Variants in DOCK10 observed in about 807,000 individuals in gnomAD.
The protein encoded by DOCK10 is dedicator of cytokinesis 10.
A neutral mutation model predicts 280.1 loss-of-function variants in DOCK10; 145 were observed. The observed-to-expected ratio is 0.52, with a 90% CI of 0.45 to 0.59. DOCK10 has a LOEUF of 0.59. Among genes scored for constraint, DOCK10 ranks in the 20% least tolerant of loss-of-function variants. DOCK10 has a pLI of 0.00. For missense variants in DOCK10, 2,368 were observed against 2,651.7 expected, an observed-to-expected ratio of 0.89 and a Z score of 2.35; for synonymous variants, 915 against 942.2, an observed-to-expected ratio of 0.97 and a Z score of 0.53.
At chr2:224,927,527 G>C (rs1439877146) in intron 2 of DOCK10, among the ~76,000 whole-genome samples, 2 of 152,138 alleles carry the variant, frequency 1.3e-5, no homozygotes, top group Admixed American at 6.5e-5. Flanking sequence ...ACAGCAGAGT[G>C]AATAGAGAAA....
In DOCK10 at chr2:224,765,251, T is replaced by C. The variant is rs913802742; in HGVS notation, c.*470A>G. 1.3e-5 allele frequency: 2 copies of C among 153,002 alleles called. No individual in the cohort carries two copies. The highest frequency in any genetic ancestry group is 2.9e-5 in the Non-Finnish European group (2 of 68,292). The allele number at this position is 153,002 out of a possible 1,614,324, so 9.5% of individuals were successfully genotyped here. A position where few individuals can be genotyped will look rare whatever the true frequency, so the allele number is the denominator to read the frequency against. On this transcript the variant is annotated 3_prime_UTR_variant, in exon 56 of 56. Coordinates refer to ENST00000258390, the MANE Select transcript of DOCK10 (RefSeq NM_014689.3). The stretch of plus-strand genomic sequence containing the variant: ...TTGTACACATACACAAATATTTTAA[T>C]ATAATGGTATCTGAAATGTTATTCA...
In DOCK10 at chr2:224,808,043, G is replaced by A; in HGVS notation, c.3453C>T (p.His1151=). 1 of 1,612,718 alleles carries A rather than the reference G, an allele frequency of 6.2e-7. No individual in the cohort carries two copies. Among genetic ancestry groups the A allele is most frequent in the East Asian group, 2.2e-5 (1 of 44,864 alleles). ...CTCGGAGCAGAATTCCGATTAAGAA[G>A]TGTTTGCGACAAAATTCATTTGTGA... The part of the protein sequence containing the change: ...YSVTNEFCRK[H]FLIGILLREV... Residue 1151 remains histidine, a synonymous_variant, in exon 32 of 56, where the codon CAC becomes CAT. Coordinates refer to ENST00000258390, the MANE Select transcript of DOCK10 (RefSeq NM_014689.3).
chr2:224,974,131 A>G (rs944663883), intron 1 of DOCK10, among the ~76,000 whole-genome samples: 7 of 152,312 alleles, frequency 4.6e-5, no homozygotes, highest in African/African-American at 1.7e-4. Flanking sequence ...TGTGTCTGCC[A>G]CCAAACTGTA....
intron 1 of DOCK10, among the ~76,000 whole-genome samples, chr2:225,008,632 T>A (rs1689344091): frequency 6.6e-6 from 1 of 152,140 alleles, no homozygotes; most frequent in African/African-American, 2.4e-5. Flanking sequence ...TACTGTTATG[T>A]ACCAAAGACC....
intron 4 of DOCK10, among the ~76,000 whole-genome samples, chr2:224,891,610 T>C (rs1699660818): frequency 6.6e-6 from 1 of 152,132 alleles, no homozygotes; most frequent in South Asian, 2.1e-4. Context: ...CAAAAATAAC[T>C]CAGAAGATAT....
intron 1 of DOCK10, among the ~76,000 whole-genome samples, chr2:225,006,807 C>T (rs1689276524): frequency 6.6e-6 from 1 of 152,150 alleles, no homozygotes. Flanking sequence ...AAGTCAATGA[C>T]CTGTGCATAC....
intron 1 of DOCK10, among the ~76,000 whole-genome samples, chr2:225,028,568 T>C (rs1689985008): frequency 6.6e-6 from 1 of 152,204 alleles, no homozygotes. Flanking sequence ...GCTAAGTTTA[T>C]ATAGTCTGTT....
Position 224,874,744 on chromosome 2 carries a change from C to A in DOCK10, c.939G>T (p.Leu313=). Residue 313 remains leucine, a synonymous_variant, in exon 9 of 56, where the codon CTG becomes CTT. Coordinates refer to ENST00000258390, the MANE Select transcript of DOCK10 (RefSeq NM_014689.3). ...TGCATTCACAAGTTACAGAATTATC[C>A]AGCGAATCTTAAAAAGATATACCAA... ...TELTDLGLDS[L]DNSVTCECTP... 1 of 1,613,562 alleles carries A rather than the reference C, an allele frequency of 6.2e-7. No homozygotes were observed. The highest frequency in any genetic ancestry group is 8.5e-7 in the Non-Finnish European group (1 of 1,179,580).
chr2:224,765,398 T>G lies in DOCK10; in HGVS notation c.*323A>C, dbSNP rs1690032175. The G allele has an allele frequency of 1.0e-5, 2 of 191,170 alleles. No homozygotes were observed. The highest frequency in any genetic ancestry group is 2.6e-4 in the East Asian group (2 of 7,758). 11.8% of individuals were successfully genotyped at this position (191,170 alleles called of 1,614,324 possible). On this transcript the variant is annotated 3_prime_UTR_variant, in exon 56 of 56. Transcript: ENST00000258390. ...GCTTAAATGTTACAAAAACATTCAC[T>G]TTAACCTTTAAAATATGTGTACTAG...
intron 1 of DOCK10, among the ~76,000 whole-genome samples, chr2:224,991,285 C>T (rs557026287): frequency 3.0e-4 from 45 of 152,256 alleles, no homozygotes; most frequent in Non-Finnish European, 5.0e-4. Flanking sequence ...ATTGAAGAGA[C>T]CCACCTGTGT....
intron 11 of DOCK10, among the ~76,000 whole-genome samples, chr2:224,866,847 C>T (rs770866893): frequency 3.3e-5 from 5 of 152,052 alleles, no homozygotes; most frequent in African/African-American, 7.2e-5. Flanking sequence ...TTCAAGGTAA[C>T]TTCTGGGTAT....
rs74937541 is a variant in DOCK10, at chr2:224,888,319, G to A, written c.417-1788C>T. ...AGGACGTTTCCATATATGTGTGTGC[G>A]TGTGCGTGTGTATACATGTGTGAAT... On this transcript the variant is annotated intron_variant, in intron 4 of 55. Coordinates refer to ENST00000258390, the MANE Select transcript of DOCK10 (RefSeq NM_014689.3). 7.8e-3 allele frequency among the ~76,000 whole-genome samples: 1,180 copies of A among 151,518 alleles called. 18 individuals carry two copies. The highest frequency in any genetic ancestry group is 0.024 in the African/African-American group (1,001 of 41,270).
At position 224,797,164 on chromosome 2, in the gene DOCK10, C is replaced by CGG. The variant is rs1559426326; in HGVS notation, c.4645-20_4645-19dup. The CGG allele has an allele frequency of 1.3e-6, 2 of 1,586,088 alleles. No individual in the cohort carries two copies. Among genetic ancestry groups the CGG allele is most frequent in the Admixed American group, 3.6e-5 (2 of 56,282 alleles). On this transcript the variant is annotated intron_variant, in intron 42 of 55. Transcript: ENST00000258390. ...GAAGGAAACTGCAGAAATGGAAGAACGGGTGAAGGGAGCAACATGCCTTCA... is the reference window on the plus strand; with the variant it reads ...GAAGGAAACTGCAGAAATGGAAGAACGGGGGTGAAGGGAGCAACATGCCTTCA...
intron 1 of DOCK10, among the ~76,000 whole-genome samples, chr2:225,016,417 C>G (rs1396524888): frequency 6.6e-6 from 1 of 151,372 alleles, no homozygotes; most frequent in Non-Finnish European, 1.5e-5. Flanking sequence ...AGTAAGAAGG[C>G]AAGTATCTTA....
chr2:224,883,164 A>G (rs1699070854), intron 7 of DOCK10, among the ~76,000 whole-genome samples: 1 of 152,244 alleles, frequency 6.6e-6, no homozygotes, highest in Non-Finnish European at 1.5e-5. Flanking sequence ...GAAAGAGTTC[A>G]TCATTGTTTC....
rs138256444 is a variant in DOCK10, at chr2:224,803,671, T to A, written c.4268+441A>T. On this transcript the variant is annotated intron_variant, in intron 39 of 55. Coordinates refer to ENST00000258390, the MANE Select transcript of DOCK10 (RefSeq NM_014689.3). The stretch of plus-strand genomic sequence containing the variant: ...TTGCCTTTGACCCTTTAAAAAACAA[T>A]TTCAGCTTCAAGAACATTGCAAAAA... Among the ~76,000 whole-genome samples the A allele has an allele frequency of 2.3e-3, 343 of 152,184 alleles. 4 individuals are homozygous for A. The highest frequency in any genetic ancestry group is 7.3e-3 in the Admixed American group (111 of 15,260).
chr2:224,831,844 G>GAAGC (rs1339239723), intron 26 of DOCK10, among the ~76,000 whole-genome samples: 1 of 152,186 alleles, frequency 6.6e-6, no homozygotes, highest in African/African-American at 2.4e-5. Context: ...GACAGAGATT[G>GAAGC]AAGCAGGCCT....
chr2:224,912,869 T>C (rs1701107883), intron 3 of DOCK10, among the ~76,000 whole-genome samples: 1 of 151,920 alleles, frequency 6.6e-6, no homozygotes, highest in East Asian at 1.9e-4. Flanking sequence ...CTACTAAAAA[T>C]ACAAAAGTTA....
At chr2:224,888,430 A>G (rs1699445504) in intron 4 of DOCK10, among the ~76,000 whole-genome samples, 1 of 151,532 alleles carries the variant, frequency 6.6e-6, no homozygotes, top group Non-Finnish European at 1.5e-5. Context: ...ATATGAGTGT[A>G]TGTATATATG....
Sources: gnomAD v4.1 joint callset for allele counts (sites outside exome capture counted in the v4.1 genomes callset) on GRCh38, gnomAD v4.1.1 for gene constraint, MANE v1.5 for transcripts, NCBI Gene and HGNC (gene_info 2026-07-23, HGNC 2026-07-21) for gene names.